UXS1: variants seen among roughly 807,000 people sequenced by gnomAD.
UXS1 encodes the protein UDP-glucuronic acid decarboxylase 1.
In UXS1, 33 loss-of-function variants were observed where a neutral mutation model predicts 62.6. The ratio of observed to expected loss-of-function variants is 0.53; its 90% CI spans 0.40 to 0.70. The LOEUF (loss-of-function observed/expected upper bound fraction) is 0.70. Ranked by LOEUF, UXS1 falls within the 30% of genes least tolerant of loss-of-function variation. UXS1 has a pLI of 0.00. For missense variants in UXS1, 434 were observed against 556.3 expected (o/e 0.78, Z 2.21); for synonymous variants, 213 against 206.8 (o/e 1.03, Z -0.26).
chr2:106,125,004 C>T (rs1679812901), intron 8 of UXS1, among the ~76,000 whole-genome samples: 1 of 152,206 alleles, frequency 6.6e-6, no homozygotes, highest in Non-Finnish European at 1.5e-5. Flanking sequence ...CCTTGCACAC[C>T]CAGCTGGTTT....
At chr2:106,163,803 G>T in intron 3 of UXS1, 93 bp from the exon 4 acceptor site, 1 of 705,582 alleles carries the variant, frequency 1.4e-6, no homozygotes, top group Non-Finnish European at 2.1e-6. Context: ...AGGCAAAACA[G>T]GTTTTAATTT....
At chr2:106,142,744 C>T (rs1169381086) in intron 6 of UXS1, among the ~76,000 whole-genome samples, 2 of 152,134 alleles carry the variant, frequency 1.3e-5, no homozygotes, top group Admixed American at 1.3e-4. Flanking sequence ...GTTGAGGACC[C>T]GCTGAAGGAG....
At chr2:106,179,139 G>A (rs1186657578) in intron 1 of UXS1, among the ~76,000 whole-genome samples, 1 of 152,140 alleles carries the variant, frequency 6.6e-6, no homozygotes, top group Non-Finnish European at 1.5e-5. Context: ...ATCAGGCACA[G>A]GTGAGGCACC....
chr2:106,156,973 A>G (rs1011757913), intron 5 of UXS1, among the ~76,000 whole-genome samples: 2 of 152,024 alleles, frequency 1.3e-5, no homozygotes, highest in Admixed American at 6.5e-5. Flanking sequence ...AAACATACTA[A>G]GTGAGAAAAG....
At chr2:106,170,436 C>T (rs1471315300) in intron 1 of UXS1, among the ~76,000 whole-genome samples, 1 of 152,208 alleles carries the variant, frequency 6.6e-6, no homozygotes, top group East Asian at 1.9e-4. Flanking sequence ...ACATTTGTTA[C>T]ACCAGGCATA....
intron 11 of UXS1, chr2:106,102,702 G>T (rs1869062): frequency 6.6e-6 from 1 of 151,926 alleles, no homozygotes; most frequent in Non-Finnish European, 1.5e-5. Context: ...GGTTAATTTA[G>T]TACAGTAACT....
At chr2:106,117,769 AC>A (rs1679174657) in intron 9 of UXS1, among the ~76,000 whole-genome samples, 1 of 152,212 alleles carries the variant, frequency 6.6e-6, no homozygotes, top group Middle Eastern at 3.4e-3. Flanking sequence ...TGAGGGCTGA[AC>A]CCCCTAACTC....
intron 4 of UXS1, 39 bp downstream of exon 4, chr2:106,163,628 T>C (rs1429272711): frequency 7.2e-7 from 1 of 1,385,470 alleles, no homozygotes; most frequent in South Asian, 1.4e-5. Flanking sequence ...GAGACAAACT[T>C]ATTTTAACTA....
intron 7 of UXS1, among the ~76,000 whole-genome samples, chr2:106,128,273 A>G (rs1413440660): frequency 6.6e-6 from 1 of 152,166 alleles, no homozygotes; most frequent in Non-Finnish European, 1.5e-5. Context: ...CCAGAGCAGG[A>G]GACGGTAACA....
At chr2:106,164,825 G>A (rs1436761905) in intron 2 of UXS1, 26 bp from the exon 3 acceptor site, 4 of 1,537,680 alleles carry the variant, frequency 2.6e-6, no homozygotes, top group Non-Finnish European at 3.5e-6. Flanking sequence ...CAACTGAAAG[G>A]CTTTGTGACT....
chr2:106,100,129 G>C (rs1406230612), intron 12 of UXS1, among the ~76,000 whole-genome samples: 1 of 152,214 alleles, frequency 6.6e-6, no homozygotes, highest in African/African-American at 2.4e-5. Context: ...CCAAGGTAGG[G>C]TTAAGGGGGA....
In UXS1 at chr2:106,094,011, C is replaced by A. The variant is rs777851982; in HGVS notation, c.*15G>T. The A allele has an allele frequency of 6.9e-6, 11 of 1,602,524 alleles. No homozygotes were observed. The highest frequency in any genetic ancestry group is 9.3e-6 in the Non-Finnish European group (11 of 1,176,940). Reference sequence around the variant, plus strand: ...AAGTGTACAATGGTAGTCTTGTGTCCTAAAAGTGAGGAGTTCAGCTGTGGC... The same window carrying A: ...AAGTGTACAATGGTAGTCTTGTGTCATAAAAGTGAGGAGTTCAGCTGTGGC... On this transcript the variant is annotated 3_prime_UTR_variant, in exon 15 of 15. Coordinates refer to ENST00000283148, the MANE Select transcript of UXS1 (RefSeq NM_001253875.2).
chr2:106,153,212 G>C (rs1005815984), intron 5 of UXS1, among the ~76,000 whole-genome samples: 3 of 152,208 alleles, frequency 2.0e-5, no homozygotes, highest in Non-Finnish European at 4.4e-5. Context: ...TCAAAGACTG[G>C]TCTCAAAATC....
intron 3 of UXS1, among the ~76,000 whole-genome samples, chr2:106,164,156 A>G (rs1424040840): frequency 1.3e-5 from 2 of 152,232 alleles, no homozygotes; most frequent in Non-Finnish European, 1.5e-5. Context: ...GTCTGTAGAC[A>G]CTGTGGACTC....
intron 3 of UXS1, among the ~76,000 whole-genome samples, chr2:106,164,430 GTTTGTAC>G (rs1000244488): frequency 6.6e-6 from 1 of 152,058 alleles, no homozygotes; most frequent in African/African-American, 2.4e-5. Context: ...GTGAGAGGAT[GTTTGTAC>G]TCATCTCTAT....
chr2:106,101,000 T>G, intron 12 of UXS1, 58 bp downstream of exon 12: 1 of 1,604,838 alleles, frequency 6.2e-7, no homozygotes. Context: ...TGCTCATGGT[T>G]TCACAAATGA....
chr2:106,151,911 C>G (rs1214239205), intron 5 of UXS1, among the ~76,000 whole-genome samples: 1 of 152,180 alleles, frequency 6.6e-6, no homozygotes, highest in East Asian at 1.9e-4. Context: ...TATGGGGTAA[C>G]AGTCTAATAT....
In UXS1 at chr2:106,113,062, T is replaced by G. The variant is rs769900456; in HGVS notation, c.760-297A>C. Among the ~76,000 whole-genome samples the G allele has an allele frequency of 3.7e-4, 56 of 152,204 alleles. 2 individuals carry two copies. The highest frequency in any genetic ancestry group is 1.3e-4 in the Non-Finnish European group (9 of 68,026). Reference sequence around the variant, plus strand: ...CAGTACAAGGAGGAAAAACGTGTATTTATATAATTTTTTTTCCCAGTTAAA... The same window carrying G: ...CAGTACAAGGAGGAAAAACGTGTATGTATATAATTTTTTTTCCCAGTTAAA... On this transcript the variant is annotated intron_variant, in intron 9 of 14. Coordinates refer to ENST00000283148, the MANE Select transcript of UXS1 (RefSeq NM_001253875.2).
intron 13 of UXS1, 144 bp from the exon 14 acceptor site, chr2:106,096,965 G>C (rs1337639244): frequency 2.4e-6 from 2 of 820,320 alleles, no homozygotes; most frequent in East Asian, 2.7e-5. Flanking sequence ...AGAAGCCCCG[G>C]AGCTCCCGAG....
Sources: allele counts gnomAD v4.1 joint callset (sites outside exome capture counted in the v4.1 genomes callset), GRCh38; gene constraint gnomAD v4.1.1; transcripts MANE v1.5; gene names NCBI Gene and HGNC (gene_info 2026-07-23, HGNC 2026-07-21).